The following CACNA1C variants were observed in gnomAD, a reference collection of about 807,000 sequenced individuals.
CACNA1C encodes voltage-dependent L-type calcium channel subunit alpha-1C.
CACNA1C carries 30 observed loss-of-function variants against 229.0 expected under a neutral mutation model. The observed-to-expected ratio is 0.13, with a 90% CI of 0.10 to 0.18. The LOEUF is 0.18. CACNA1C is among the 10% of genes least tolerant of loss of function. The pLI is 1.00. For missense variants in CACNA1C, 1,658 were observed against 2,845.0 expected, an observed-to-expected ratio of 0.58 and a Z score of 9.49; for synonymous variants, 1,114 against 1,132.5, an observed-to-expected ratio of 0.98 and a Z score of 0.33.
intron 3 of CACNA1C, among the ~76,000 whole-genome samples, chr12:2,232,610 G>T (rs2065781816): frequency 6.6e-6 from 1 of 152,128 alleles, no homozygotes; most frequent in South Asian, 2.1e-4. Flanking sequence ...CATGCTTTTT[G>T]TCAAGCTTTT....
At chr12:2,522,517 A>C (rs1407371152) in intron 9 of CACNA1C, among the ~76,000 whole-genome samples, 1 of 152,136 alleles carries the variant, frequency 6.6e-6, no homozygotes, top group Non-Finnish European at 1.5e-5. Context: ...TGGCGTTGAG[A>C]AAGTGGGCCG....
chr12:2,592,984 C>T (rs976001720), intron 18 of CACNA1C, among the ~76,000 whole-genome samples: 5 of 152,110 alleles, frequency 3.3e-5, no homozygotes, highest in Non-Finnish European at 7.4e-5. Flanking sequence ...AAAACCAGAA[C>T]AAGTTGGTCG....
chr12:2,074,615 A>G (rs1485962764), intron 1 of CACNA1C, among the ~76,000 whole-genome samples: 4 of 152,020 alleles, frequency 2.6e-5, no homozygotes, highest in African/African-American at 9.7e-5. Context: ...TCTCAGGGGG[A>G]GGAGACTGCC....
rs2092916911 is a variant in CACNA1C, at chr12:2,287,752, C to T, written c.478-161224C>T. Among the ~76,000 whole-genome samples the T allele has an allele frequency of 6.6e-6, 1 of 152,184 alleles. No homozygotes were observed. The highest frequency in any genetic ancestry group is 2.4e-5 in the African/African-American group (1 of 41,442). On this transcript the variant is annotated intron_variant, in intron 3 of 46. Coordinates refer to ENST00000399655, the MANE Select transcript of CACNA1C (RefSeq NM_000719.7). The surrounding 1 kb of genome is among the most constrained non-coding windows in gnomAD (Gnocchi z 4.6). Reference sequence around the variant, plus strand: ...TGTGTAAACACAGATTCCTGGGCTCCAGCTTCCGAGTTTCAGTGGCTCCAG... The same window carrying T: ...TGTGTAAACACAGATTCCTGGGCTCTAGCTTCCGAGTTTCAGTGGCTCCAG...
intron 1 of CACNA1C, among the ~76,000 whole-genome samples, chr12:1,987,072 A>G (rs888530470): frequency 3.3e-5 from 5 of 152,222 alleles, no homozygotes; most frequent in Non-Finnish European, 7.3e-5. Flanking sequence ...TGAAGGCTTC[A>G]AAAGGTTTAC....
chr12:2,228,613 G>C (rs575624444), intron 3 of CACNA1C, among the ~76,000 whole-genome samples: 1 of 152,238 alleles, frequency 6.6e-6, no homozygotes, highest in African/African-American at 2.4e-5. Context: ...GGGATGGAGA[G>C]GAGGAAAACC....
At chr12:2,669,187 C>T (rs2096409782) in intron 38 of CACNA1C, among the ~76,000 whole-genome samples, 152 bp downstream of exon 38, 2 of 152,172 alleles carry the variant, frequency 1.3e-5, no homozygotes, top group Admixed American at 6.5e-5. Context: ...TCCAGGACAT[C>T]GCAGGGCCCC....
chr12:2,556,272 G>C (rs182375616), intron 10 of CACNA1C, among the ~76,000 whole-genome samples: 17 of 152,204 alleles, frequency 1.1e-4, no homozygotes, highest in Admixed American at 1.1e-3. Flanking sequence ...TTCCTTGAAG[G>C]TTCTGCCTTT....
intron 3 of CACNA1C, among the ~76,000 whole-genome samples, chr12:2,267,925 G>A (rs562110530): frequency 2.6e-4 from 40 of 152,318 alleles, no homozygotes; most frequent in Non-Finnish European, 4.4e-4. Flanking sequence ...CCAAACATCT[G>A]ACACTGTTCA....
chr12:2,301,719 G>A (rs568057380), intron 3 of CACNA1C, among the ~76,000 whole-genome samples: 1 of 152,192 alleles, frequency 6.6e-6, no homozygotes, highest in Non-Finnish European at 1.5e-5. Flanking sequence ...AAACTGGAGT[G>A]ATGAGGTCCT....
intron 1 of CACNA1C, among the ~76,000 whole-genome samples, chr12:2,097,307 A>G (rs543071336): frequency 9.0e-4 from 137 of 151,906 alleles, no homozygotes; most frequent in East Asian, 3.5e-3. Flanking sequence ...CACCACGCCC[A>G]GCTAATTTTT....
At chr12:2,039,852 C>G (rs2049777657) in intron 1 of CACNA1C, among the ~76,000 whole-genome samples, 1 of 138,378 alleles carries the variant, frequency 7.2e-6, no homozygotes, top group African/African-American at 3.2e-5. Flanking sequence ...GCTGGGATTA[C>G]AGTTCTTGGG....
chr12:2,517,514 AG>A (rs752070608), intron 9 of CACNA1C, among the ~76,000 whole-genome samples: 3 of 152,376 alleles, frequency 2.0e-5, no homozygotes, highest in East Asian at 3.9e-4. Context: ...AAGGCAAAAA[AG>A]GGGCAAGAAA....
intron 1 of CACNA1C, among the ~76,000 whole-genome samples, chr12:2,000,670 C>T (rs565445776): frequency 6.6e-6 from 1 of 152,254 alleles, no homozygotes; most frequent in African/African-American, 2.4e-5. Flanking sequence ...AACCTGGGAC[C>T]TGTAGTGGGG....
In CACNA1C at chr12:2,431,783, C is replaced by A. The variant is rs531339668; in HGVS notation, c.478-17193C>A. On this transcript the variant is annotated intron_variant, in intron 3 of 46. Coordinates refer to ENST00000399655, the MANE Select transcript of CACNA1C (RefSeq NM_000719.7). ...TGATGTTATGGCAATGGAGGAGTCC[C>A]CCAAGCAGGTGGAGGTACAGCTGCC... Among the ~76,000 whole-genome samples the A allele has an allele frequency of 2.0e-5, 3 of 152,276 alleles. No individual in the cohort carries two copies. The East Asian group carries it at 5.8e-4, about 29-fold the overall frequency.
intron 3 of CACNA1C, among the ~76,000 whole-genome samples, chr12:2,389,086 C>T (rs2098442931): frequency 6.6e-6 from 1 of 152,034 alleles, no homozygotes; most frequent in Non-Finnish European, 1.5e-5. Context: ...GAGCTAGTAG[C>T]AGCAATGAGA....
chr12:1,995,877 C>T (rs1038651806), intron 1 of CACNA1C, among the ~76,000 whole-genome samples: 1 of 152,112 alleles, frequency 6.6e-6, no homozygotes, highest in Non-Finnish European at 1.5e-5. Flanking sequence ...CATCTCCAGC[C>T]CTGCCCTTAC....
At chr12:2,188,868 G>A (rs183214790) in intron 3 of CACNA1C, among the ~76,000 whole-genome samples, 7 of 152,068 alleles carry the variant, frequency 4.6e-5, no homozygotes, top group African/African-American at 7.2e-5. Context: ...CGAGGCAGGC[G>A]GATCACGAGG....
At chr12:1,975,500 G>A (rs751207793) in intron 1 of CACNA1C, among the ~76,000 whole-genome samples, 1 of 152,092 alleles carries the variant, frequency 6.6e-6, no homozygotes, top group African/African-American at 2.4e-5. Flanking sequence ...ATAAAGGGTA[G>A]GGAAACTAAA....
Sources: gnomAD v4.1 joint callset for allele counts (sites outside exome capture counted in the v4.1 genomes callset) on GRCh38, gnomAD v4.1.1 for gene constraint, Gnocchi (gnomAD v3.1) non-coding constraint, MANE v1.5 for transcripts, NCBI Gene and HGNC (gene_info 2026-07-23, HGNC 2026-07-21) for gene names.